DLG1: variants seen among roughly 807,000 people sequenced by gnomAD.
The protein encoded by DLG1 is discs large MAGUK scaffold protein 1.
DLG1 carries 42 observed loss-of-function variants against 123.4 expected under a neutral mutation model. The ratio of observed to expected loss-of-function variants is 0.34; its 90% confidence interval spans 0.27 to 0.44. The LOEUF (loss-of-function observed/expected upper bound fraction) is 0.44, where lower values mean the gene tolerates loss of function less well. Ranked by LOEUF, DLG1 falls within the 20% of genes least tolerant of loss-of-function variation. DLG1 has a pLI of 1.00. For synonymous variants in DLG1, 317 were observed against 356.2 expected, an observed-to-expected ratio of 0.89 and a Z score of 1.24; for missense variants, 942 against 1,082.6, an observed-to-expected ratio of 0.87 and a Z score of 1.82.
intron 4 of DLG1, among the ~76,000 whole-genome samples, chr3:197,220,570 T>C (rs917266738): frequency 3.9e-5 from 6 of 152,190 alleles, no homozygotes; most frequent in Non-Finnish European, 7.4e-5. Context: ...TATCAGCAAA[T>C]GCTAATAGAA....
At chr3:197,250,944 C>A (rs1175556958) in intron 4 of DLG1, among the ~76,000 whole-genome samples, 1 of 143,204 alleles carries the variant, frequency 7.0e-6, no homozygotes, top group Non-Finnish European at 1.5e-5. Flanking sequence ...GATCATGCCA[C>A]TGCACTCCAG....
At chr3:197,286,526 G>A (rs1353284156) in intron 3 of DLG1, among the ~76,000 whole-genome samples, 1 of 152,128 alleles carries the variant, frequency 6.6e-6, no homozygotes, top group Non-Finnish European at 1.5e-5. Flanking sequence ...GGTGGCAATC[G>A]CTCGCCTGCC....
In DLG1 at chr3:197,157,501, C is replaced by G. The variant is rs922914346; in HGVS notation, c.484-7705G>C. Among the ~76,000 whole-genome samples, 8 of 152,174 alleles carry G rather than the reference C, an allele frequency of 5.3e-5. 1 individual carries two copies. The highest frequency in any genetic ancestry group is 1.9e-4 in the African/African-American group (8 of 41,528). The stretch of plus-strand genomic sequence containing the variant: ...TTAACTTCATCAAGAAAGTAAAAAA[C>G]TTGGGCAATGAAAACTATAAAACAT... On this transcript the variant is annotated intron_variant, in intron 5 of 24. Coordinates refer to ENST00000667157, the MANE Select transcript of DLG1 (RefSeq NM_001366207.1).
chr3:197,143,317 G>A (rs1028913876), intron 6 of DLG1, among the ~76,000 whole-genome samples: 184 of 150,680 alleles, frequency 1.2e-3, no homozygotes, highest in African/African-American at 4.3e-3. Flanking sequence ...CAGTGGTGGC[G>A]TGATCTTGGT....
intron 4 of DLG1, among the ~76,000 whole-genome samples, chr3:197,226,538 TG>T (rs1740053069): frequency 6.6e-6 from 1 of 152,218 alleles, no homozygotes; most frequent in South Asian, 2.1e-4. Context: ...ATAGTTTTAA[TG>T]GTAAAAAGAG....
chr3:197,124,220 G>C (rs1171205290), intron 11 of DLG1, among the ~76,000 whole-genome samples: 2 of 152,202 alleles, frequency 1.3e-5, no homozygotes, highest in Non-Finnish European at 2.9e-5. Flanking sequence ...AGCTGAGTGA[G>C]ATCCTGTCTC....
At chr3:197,162,626 T>C (rs1448386439) in intron 5 of DLG1, among the ~76,000 whole-genome samples, 2 of 152,160 alleles carry the variant, frequency 1.3e-5, no homozygotes, top group Non-Finnish European at 2.9e-5. Flanking sequence ...ATGGAGTCTC[T>C]TCAACAATGG....
intron 18 of DLG1, among the ~76,000 whole-genome samples, chr3:197,074,401 G>A (rs1055797816): frequency 2.6e-5 from 4 of 152,000 alleles, no homozygotes; most frequent in Non-Finnish European, 5.9e-5. Context: ...CAGAGAAAGA[G>A]GGTCAAGGTA....
chr3:197,081,765 G>T (rs1029180898), intron 16 of DLG1, among the ~76,000 whole-genome samples: 3 of 152,150 alleles, frequency 2.0e-5, no homozygotes, highest in Admixed American at 2.0e-4. Context: ...GAGGTGAAAT[G>T]GGTGTTGTGA....
intron 5 of DLG1, among the ~76,000 whole-genome samples, chr3:197,150,721 A>G (rs1433770545): frequency 6.6e-6 from 1 of 152,160 alleles, no homozygotes; most frequent in Non-Finnish European, 1.5e-5. Context: ...GTAACACAAA[A>G]TAACCATTTT....
chr3:197,218,913 C>G (rs1004146632), intron 4 of DLG1, among the ~76,000 whole-genome samples: 12 of 152,200 alleles, frequency 7.9e-5, no homozygotes, highest in Non-Finnish European at 1.6e-4. Flanking sequence ...GGGCGGATCA[C>G]CTGAGGTCGG....
At chr3:197,217,313 G>C (rs533225585) in intron 4 of DLG1, among the ~76,000 whole-genome samples, 4 of 152,294 alleles carry the variant, frequency 2.6e-5, no homozygotes, top group Non-Finnish European at 4.4e-5. Flanking sequence ...AATTGGTGTT[G>C]ATTAATCAGA....
intron 4 of DLG1, among the ~76,000 whole-genome samples, chr3:197,205,209 T>C (rs1053859808): frequency 9.9e-5 from 15 of 152,004 alleles, no homozygotes; most frequent in Admixed American, 3.3e-4. Flanking sequence ...CAAAATACAA[T>C]ACGAACAAAA....
chr3:197,143,603 C>T (rs1789183445), intron 6 of DLG1, among the ~76,000 whole-genome samples: 1 of 152,172 alleles, frequency 6.6e-6, no homozygotes, highest in Non-Finnish European at 1.5e-5. Context: ...CTAAAACTTT[C>T]ACAACTCTCC....
intron 4 of DLG1, among the ~76,000 whole-genome samples, chr3:197,280,849 G>C (rs1768952265): frequency 6.6e-6 from 1 of 152,134 alleles, no homozygotes; most frequent in South Asian, 2.1e-4. Flanking sequence ...TGTTGCTACA[G>C]CTGCATACCT....
chr3:197,219,689 G>T (rs1189361164), intron 4 of DLG1, among the ~76,000 whole-genome samples: 1 of 152,172 alleles, frequency 6.6e-6, no homozygotes, highest in Non-Finnish European at 1.5e-5. Flanking sequence ...CAATCTGACT[G>T]GTTTCCTTAC....
chr3:197,075,933 T>C, intron 18 of DLG1: 1 of 1,469,462 alleles, frequency 6.8e-7, no homozygotes, highest in Non-Finnish European at 9.5e-7. Flanking sequence ...TAGTTGTCAG[T>C]AATGCATAAA....
chr3:197,288,161 C>A (rs543357750), intron 3 of DLG1, among the ~76,000 whole-genome samples: 1 of 151,760 alleles, frequency 6.6e-6, no homozygotes, highest in African/African-American at 2.4e-5. Flanking sequence ...GTCAAGAGAT[C>A]GAGACCATCC....
chr3:197,190,870 C>T (rs573820808), intron 5 of DLG1, among the ~76,000 whole-genome samples: 33 of 152,202 alleles, frequency 2.2e-4, no homozygotes, highest in Non-Finnish European at 2.8e-4. Flanking sequence ...ATTAGCCAGG[C>T]GTGGTGGCGG....
Sources: allele counts gnomAD v4.1 joint callset (sites outside exome capture counted in the v4.1 genomes callset), GRCh38; gene constraint gnomAD v4.1.1; transcripts MANE v1.5; gene names NCBI Gene and HGNC (gene_info 2026-07-23, HGNC 2026-07-21).